Variants in DNPEP observed in about 807,000 individuals in gnomAD.
DNPEP encodes aspartyl aminopeptidase.
In DNPEP, 46 loss-of-function variants were observed where a neutral mutation model predicts 59.1. The ratio of observed to expected loss-of-function variants is 0.78; its 90% CI spans 0.61 to 0.99. DNPEP has a LOEUF of 0.99. Ranked by LOEUF, DNPEP falls within the 50% of genes least tolerant of loss-of-function variation. The pLI is 0.00. For missense variants in DNPEP, 617 were observed against 649.9 expected, an observed-to-expected ratio of 0.95 and a Z score of 0.55; for synonymous variants, 229 against 242.2, an observed-to-expected ratio of 0.95 and a Z score of 0.50.
chr2:219,397,185 T>G (rs931244557), intron 1 of DNPEP, among the ~76,000 whole-genome samples: 1 of 152,182 alleles, frequency 6.6e-6, no homozygotes, highest in Non-Finnish European at 1.5e-5. Flanking sequence ...TTTGCCGTGT[T>G]GTGCCAGAGC....
At chr2:219,396,260 T>G (rs570720938) in intron 1 of DNPEP, among the ~76,000 whole-genome samples, 1 of 152,242 alleles carries the variant, frequency 6.6e-6, no homozygotes, top group African/African-American at 2.4e-5. Context: ...GGTTGCCAAA[T>G]GAAATACAGA....
chr2:219,373,873 G>A lies in DNPEP; in HGVS notation c.*419C>T. 5.2e-6 allele frequency: 1 copy of A among 190,648 alleles called. No homozygotes were observed. The highest frequency in any genetic ancestry group is 1.1e-5 in the Non-Finnish European group (1 of 91,346). The allele number at this position is 190,648 out of a possible 1,614,324, so 11.8% of individuals were successfully genotyped here. ...TTGTCTGCCCAGAGCAGCTCTGAAG[G>A]TGGCCCAGTGCAGAACAGGATCTCT... On this transcript the variant is annotated 3_prime_UTR_variant, in exon 15 of 15. Transcript: ENST00000273075.
At chr2:219,376,604 T>A (rs1461410893) in intron 13 of DNPEP, among the ~76,000 whole-genome samples, 1 of 152,212 alleles carries the variant, frequency 6.6e-6, no homozygotes, top group Non-Finnish European at 1.5e-5. Context: ...TTTATCCTGC[T>A]TTCCAATCAA....
chr2:219,387,761 G>C lies in DNPEP; in HGVS notation c.34C>G (p.Gln12Glu), dbSNP rs1177197287. The C allele has an allele frequency of 5.0e-6, 8 of 1,605,950 alleles. No individual in the cohort carries two copies. Among genetic ancestry groups the C allele is most frequent in the Non-Finnish European group, 6.8e-6 (8 of 1,176,908 alleles). ...SGHSPTRGAM[Q>E]VAMNGKARKE... ...TGGGGCCGTCGGGAGCCACTTACCT[G>C]CATGGCCCCGCGCGTGGGGCTGTGT... Residue 12 changes from glutamine to glutamate, a missense_variant and splice_region_variant, in exon 1 of 15, where the codon CAG becomes GAG. Transcript: ENST00000273075.
chr2:219,380,279 G>A (rs1574976026), intron 13 of DNPEP, among the ~76,000 whole-genome samples: 1 of 147,338 alleles, frequency 6.8e-6, no homozygotes, highest in Admixed American at 6.9e-5. Flanking sequence ...GCAATGGCAC[G>A]ATCTCGGCTC....
At chr2:219,387,307 C>T (rs1953890252) in intron 1 of DNPEP, 144 bp from the exon 2 acceptor site, 7 of 1,447,958 alleles carry the variant, frequency 4.8e-6, no homozygotes, top group East Asian at 2.5e-5. Flanking sequence ...CACCGAGAGA[C>T]CCAAACCCAG....
chr2:219,394,446 C>T (rs1461253743), intron 1 of DNPEP, among the ~76,000 whole-genome samples: 1 of 152,112 alleles, frequency 6.6e-6, no homozygotes, highest in Non-Finnish European at 1.5e-5. Context: ...TTATTATATT[C>T]ATGTTTTTAA....
At position 219,374,157 on chromosome 2, in the gene DNPEP, C is replaced by T. The variant is rs904407020; in HGVS notation, c.*135G>A. On this transcript the variant is annotated 3_prime_UTR_variant, in exon 15 of 15. Coordinates refer to ENST00000273075, the MANE Select transcript of DNPEP (RefSeq NM_012100.4). ...AAAGGTTCAAGCCAGGCTCAACTCC[C>T]ACTCCTCTAGTCTCCAAATAAGCGT... The T allele has an allele frequency of 9.1e-6, 8 of 878,668 alleles. No individual in the cohort carries two copies. The Admixed American group carries it at 1.9e-4, about 21-fold the overall frequency. 54.4% of individuals were successfully genotyped at this position (878,668 alleles called of 1,614,324 possible). A position where few individuals can be genotyped will look rare whatever the true frequency, so the allele number is the denominator to read the frequency against.
Position 219,386,411 on chromosome 2 carries a change from C to A in DNPEP, c.334G>T (p.Val112Leu), listed in dbSNP as rs780449829. The change falls in exon 5 of 15, where the codon GTG (valine) becomes TTG (leucine). Residue 112 changes from valine to leucine, a missense_variant and splice_region_variant. Physicochemically the swap from Val to Leu is conservative, Grantham distance 32. Coordinates refer to ENST00000273075, the MANE Select transcript of DNPEP (RefSeq NM_012100.4). ...GAHTDSPCLR[V>L]KRRSRRSQVG... ...TGGCTGCGGCGAGACCGACGTTTCA[C>A]CTGAGTGTAAAGATGGAGAAGTCAG... is the stretch of plus-strand genomic sequence containing the variant. The A allele has an allele frequency of 8.1e-6, 13 of 1,614,068 alleles. No individual in the cohort carries two copies. The East Asian group carries it at 2.7e-4, about 33-fold the overall frequency.
At chr2:219,378,353 C>G (rs1457143058) in intron 13 of DNPEP, among the ~76,000 whole-genome samples, 8 of 152,220 alleles carry the variant, frequency 5.3e-5, no homozygotes, top group Admixed American at 2.6e-4. Context: ...TCCTGGCCCC[C>G]CTTGGGGCCT....
rs772183526 is a variant in DNPEP, at chr2:219,374,963, A to G, written c.1299T>C (p.Ser433=). The change falls in exon 14 of 15, where the codon TCT becomes TCC. Residue 433 remains serine, a synonymous_variant. Transcript: ENST00000273075. ...AATCCAGCACCCGCAGCCCCAGCCG[A>G]GAAGCCAAGATAGGTCCAATGGTGG... The part of the protein sequence containing the change: ...CGTTIGPILA[S]RLGLRVLDLG... 2 of 1,614,190 alleles carry G rather than the reference A, an allele frequency of 1.2e-6. No homozygotes were observed. The highest frequency in any genetic ancestry group is 3.3e-5 in the Admixed American group (2 of 60,020).
Position 219,387,903 on chromosome 2 carries a change from A to C in DNPEP, c.-109T>G, listed in dbSNP as rs1266799903. 3 of 1,366,890 alleles carry C rather than the reference A, an allele frequency of 2.2e-6. No homozygotes were observed. Among genetic ancestry groups the C allele is most frequent in the Non-Finnish European group, 2.8e-6 (3 of 1,066,422 alleles). 84.7% of individuals were successfully genotyped at this position (1,366,890 alleles called of 1,614,324 possible). A position where few individuals can be genotyped will look rare whatever the true frequency, so the allele number is the denominator to read the frequency against. ...GGCCGCGCCGCACTCGTAGGCCTTC[A>C]TCACGCTTCCCCGGCCGCGCCGCCC... On this transcript the variant is annotated 5_prime_UTR_variant, in exon 1 of 15. It removes an upstream start codon present in the reference 5' UTR. Transcript: ENST00000273075.
rs1953213160 is a variant in DNPEP at position 219,372,219 on chromosome 2, T to C, written c.*2073A>G. Among the ~76,000 whole-genome samples, 1 of 152,196 alleles carries C rather than the reference T, an allele frequency of 6.6e-6. No homozygotes were observed. Among genetic ancestry groups the C allele is most frequent in the Non-Finnish European group, 1.5e-5 (1 of 68,036 alleles). ...ATAAGTAATACATGGTACATTCTGT[T>C]ATACAAAAGGAAACCATTACAAAAA... On this transcript the variant is annotated 3_prime_UTR_variant, in exon 15 of 15. Coordinates refer to ENST00000273075, the MANE Select transcript of DNPEP (RefSeq NM_012100.4).
chr2:219,378,308 T>C (rs894781408), intron 13 of DNPEP, among the ~76,000 whole-genome samples: 9 of 152,188 alleles, frequency 5.9e-5, no homozygotes, highest in African/African-American at 1.7e-4. Flanking sequence ...GGCTCTACCA[T>C]CCTGCCTTTC....
chr2:219,387,519 G>A (rs772501308), intron 1 of DNPEP: 37 of 1,440,546 alleles, frequency 2.6e-5, no homozygotes, highest in Non-Finnish European at 3.3e-5. Flanking sequence ...CGCGTACCCA[G>A]CCCGGAGCCA....
At position 219,374,934 on chromosome 2, in the gene DNPEP, C is replaced by A; in HGVS notation, c.1328G>T (p.Gly443Val). ...AGAGTGCATGGCCAGTTGGGGGCTGCCTAAATCCAGCACCCGCAGCCCCAG... is the reference window on the plus strand; with the variant it reads ...AGAGTGCATGGCCAGTTGGGGGCTGACTAAATCCAGCACCCGCAGCCCCAG... ...SRLGLRVLDL[G>V]SPQLAMHSIR... Residue 443 changes from glycine (G) to valine (V), a missense_variant, in exon 14 of 15, where the codon GGC becomes GTC. By Grantham distance (109) the Gly-to-Val change is moderately radical (BLOSUM62 -3). Transcript: ENST00000273075. The A allele has an allele frequency of 6.2e-7, 1 of 1,614,078 alleles. No individual in the cohort carries two copies. Among genetic ancestry groups the A allele is most frequent in the Non-Finnish European group, 8.5e-7 (1 of 1,180,024 alleles).
Position 219,374,316 on chromosome 2 carries a change from T to TA in DNPEP, c.1433dup (p.Ser479LysfsTer3). On this transcript the variant is annotated frameshift_variant, in exon 15 of 15. Transcript: ENST00000273075. LOFTEE classifies it high-confidence loss of function. Reference sequence around the variant, plus strand: ...CTCAATCCACTAAGAGATTATGGCTTAGAGAAGGGAACAGCTCAAAGAAGC... The same window carrying TA: ...CTCAATCCACTAAGAGATTATGGCTTAAGAGAAGGGAACAGCTCAAAGAAGC... 1 of 1,614,076 alleles carries TA rather than the reference T, an allele frequency of 6.2e-7. No homozygotes were observed. Among genetic ancestry groups the TA allele is most frequent in the Non-Finnish European group, 8.5e-7 (1 of 1,179,958 alleles).
chr2:219,374,078 A>G lies in DNPEP; in HGVS notation c.*214T>C, dbSNP rs1953273805. 1.8e-6 allele frequency: 1 copy of G among 541,508 alleles called. No homozygotes were observed. Among genetic ancestry groups the G allele is most frequent in the Non-Finnish European group, 3.3e-6 (1 of 301,972 alleles). The allele number at this position is 541,508 out of a possible 1,614,324, so 33.5% of individuals were successfully genotyped here. ...GAGATTTAAAACCAGATTTAAAACC[A>G]TCAGCTCCCAGGAGTGTGGCCTCCT... is the stretch of plus-strand genomic sequence containing the variant. On this transcript the variant is annotated 3_prime_UTR_variant, in exon 15 of 15. Coordinates refer to ENST00000273075, the MANE Select transcript of DNPEP (RefSeq NM_012100.4).
rs749500249 is a variant in DNPEP, at chr2:219,386,348, C to T, written c.397G>A (p.Gly133Ser). The T allele has an allele frequency of 3.1e-6, 5 of 1,614,100 alleles. No individual in the cohort carries two copies. The highest frequency in any genetic ancestry group is 4.2e-6 in the Non-Finnish European group (5 of 1,180,052). Residue 133 changes from glycine (G) to serine (S), a missense_variant, in exon 5 of 15, where the codon GGT (glycine) becomes AGT (serine). Coordinates refer to ENST00000273075, the MANE Select transcript of DNPEP (RefSeq NM_012100.4). ...TCAAACCAGGTGCTCCAGATCCCACCACCATAGGTCTCCACACCGACTTGC... is the reference window on the plus strand; with the variant it reads ...TCAAACCAGGTGCTCCAGATCCCACTACCATAGGTCTCCACACCGACTTGC... ...FQQVGVETYG[G>S]GIWSTWFDRD...
Sources: allele counts gnomAD v4.1 joint callset (sites outside exome capture counted in the v4.1 genomes callset), GRCh38; gene constraint gnomAD v4.1.1; transcripts MANE v1.5; gene names NCBI Gene and HGNC (gene_info 2026-07-23, HGNC 2026-07-21).